The following SETBP1 variants were observed in gnomAD, a reference collection of about 807,000 sequenced individuals.
The protein encoded by SETBP1 is SET-binding protein.
A neutral mutation model predicts 101.0 loss-of-function variants in SETBP1; 9 were observed. The observed-to-expected ratio is 0.09, with a 90% CI of 0.05 to 0.16. SETBP1 has a LOEUF of 0.16. Among genes scored for constraint, SETBP1 ranks in the 10% least tolerant of loss-of-function variants. The probability of loss-of-function intolerance (pLI) is 1.00; values close to 1 mark genes in which losing one functional copy is unlikely to be tolerated. For missense variants in SETBP1, 1,858 were observed against 2,033.8 expected, an observed-to-expected ratio of 0.91 and a Z score of 1.66; for synonymous variants, 818 against 788.5, an observed-to-expected ratio of 1.04 and a Z score of -0.63.
intron 4 of SETBP1, among the ~76,000 whole-genome samples, chr18:45,023,180 A>G (rs1260485581): frequency 6.6e-6 from 1 of 152,244 alleles, no homozygotes; most frequent in African/African-American, 2.4e-5. Context: ...ATTCTTAATC[A>G]ACCAGATCAA....
chr18:44,800,139 C>G (rs2071574424), intron 2 of SETBP1, among the ~76,000 whole-genome samples: 1 of 152,126 alleles, frequency 6.6e-6, no homozygotes, highest in Admixed American at 6.5e-5. Context: ...TGGTGGTTGT[C>G]AGTGGTTTCT....
chr18:44,749,283 C>A (rs368397797), intron 2 of SETBP1, among the ~76,000 whole-genome samples: 2 of 152,128 alleles, frequency 1.3e-5, no homozygotes, highest in African/African-American at 4.8e-5. Flanking sequence ...GAAGGTGAGG[C>A]GCAGAGATGC....
chr18:44,781,989 T>G (rs2071141018), intron 2 of SETBP1, among the ~76,000 whole-genome samples: 1 of 152,242 alleles, frequency 6.6e-6, no homozygotes, highest in South Asian at 2.1e-4. Flanking sequence ...AAAATGTCCT[T>G]TGCTAGAAGG....
chr18:44,894,983 A>C (rs1240953495), intron 3 of SETBP1, among the ~76,000 whole-genome samples: 3 of 148,254 alleles, frequency 2.0e-5, no homozygotes, highest in African/African-American at 5.0e-5. Flanking sequence ...AGCCAGTCAC[A>C]TGTGCCTGTA....
intron 2 of SETBP1, among the ~76,000 whole-genome samples, chr18:44,789,105 C>T (rs2144720585): frequency 6.6e-6 from 1 of 152,216 alleles, no homozygotes; most frequent in East Asian, 1.9e-4. Context: ...ACCCGGCTTC[C>T]TCCTGTTTTA....
At chr18:44,761,307 A>C (rs949684680) in intron 2 of SETBP1, among the ~76,000 whole-genome samples, 14 of 152,186 alleles carry the variant, frequency 9.2e-5, no homozygotes, top group African/African-American at 3.4e-4. Flanking sequence ...ATCTTGAACT[A>C]TACACTTCAT....
chr18:45,041,976 T>A lies in SETBP1; in HGVS notation c.4171+3321T>A, dbSNP rs112907505. Among the ~76,000 whole-genome samples, 351 of 151,496 alleles carry A rather than the reference T, an allele frequency of 2.3e-3. 1 individual carries two copies. Among genetic ancestry groups the A allele is most frequent in the Non-Finnish European group, 4.1e-3 (276 of 67,830 alleles). On this transcript the variant is annotated intron_variant, in intron 5 of 5. Transcript: ENST00000649279. ...TATCTCAAAAAAAAATAAAAAATTT[T>A]AAAAAAAAGAGTGGATGCAAAAATA...
At chr18:44,764,220 C>T (rs2070717715) in intron 2 of SETBP1, among the ~76,000 whole-genome samples, 1 of 152,214 alleles carries the variant, frequency 6.6e-6, no homozygotes, top group Non-Finnish European at 1.5e-5. Context: ...TTACTGAATA[C>T]TCTAAACCAA....
chr18:45,021,194 G>C (rs2073058144), intron 4 of SETBP1, among the ~76,000 whole-genome samples: 1 of 152,136 alleles, frequency 6.6e-6, no homozygotes, highest in Admixed American at 6.5e-5. Flanking sequence ...TAACTTACTG[G>C]ACTGACTTCA....
chr18:44,789,034 C>T (rs557512670), intron 2 of SETBP1, among the ~76,000 whole-genome samples: 7 of 152,068 alleles, frequency 4.6e-5, no homozygotes, highest in South Asian at 4.2e-4. Context: ...AATCCCTGGG[C>T]TCAAGTAATT....
intron 3 of SETBP1, among the ~76,000 whole-genome samples, chr18:44,933,364 TGG>T (rs1172109854): frequency 6.6e-6 from 1 of 152,236 alleles, no homozygotes; most frequent in Admixed American, 6.5e-5. Flanking sequence ...CGGCCCCTAC[TGG>T]GAGGTGTCTC....
chr18:44,925,196 T>C (rs2070678077), intron 3 of SETBP1, among the ~76,000 whole-genome samples: 1 of 151,910 alleles, frequency 6.6e-6, no homozygotes, highest in Admixed American at 6.6e-5. Flanking sequence ...AAATCTTAGT[T>C]CCATCTCCAA....
At chr18:45,055,997 T>C (rs1163859341) in intron 5 of SETBP1, among the ~76,000 whole-genome samples, 1 of 152,246 alleles carries the variant, frequency 6.6e-6, no homozygotes, top group African/African-American at 2.4e-5. Context: ...CCCAGTTTAC[T>C]GTAAAGGGAC....
intron 5 of SETBP1, among the ~76,000 whole-genome samples, chr18:45,051,434 C>T (rs776173284): frequency 1.3e-5 from 2 of 152,064 alleles, no homozygotes; most frequent in African/African-American, 4.8e-5. Flanking sequence ...CGTAATAAAC[C>T]ATTATGATTC....
At chr18:44,726,869 CTCTGTT>C (rs1225898818) in intron 2 of SETBP1, among the ~76,000 whole-genome samples, 1 of 152,168 alleles carries the variant, frequency 6.6e-6, no homozygotes, top group African/African-American at 2.4e-5. Context: ...TGTGCACACA[CTCTGTT>C]TCTGTTTTTC....
intron 2 of SETBP1, among the ~76,000 whole-genome samples, chr18:44,704,499 T>TA (rs578119674): frequency 1.9e-4 from 29 of 152,312 alleles, no homozygotes; most frequent in Middle Eastern, 6.8e-3. Context: ...CCACCCTTCT[T>TA]ACATTTATTT....
chr18:44,733,572 A>G (rs2069887798), intron 2 of SETBP1, among the ~76,000 whole-genome samples: 1 of 152,214 alleles, frequency 6.6e-6, no homozygotes, highest in Non-Finnish European at 1.5e-5. Flanking sequence ...GATGAGTCGC[A>G]GCTCCAGTAT....
chr18:45,059,878 G>C (rs902567242), intron 5 of SETBP1, among the ~76,000 whole-genome samples: 1 of 152,188 alleles, frequency 6.6e-6, no homozygotes, highest in Admixed American at 6.5e-5. Context: ...TAGATGTTGA[G>C]TAGTAGGTGA....
Position 45,063,695 on chromosome 18 carries a change from C to T in SETBP1, c.4788C>T (p.Pro1596=). The part of the protein sequence containing the change: ...KSRGSESEVL[P] ...GAGGGAGTGAGAGCGAGGTCCTTCC[C>T]TAGGGCGGGTCTGGGCGTCTGCACC... is the stretch of plus-strand genomic sequence containing the variant. Residue 1596 remains proline, a synonymous_variant, in exon 6 of 6, where the codon CCC becomes CCT. Coordinates refer to ENST00000649279, the MANE Select transcript of SETBP1 (RefSeq NM_015559.3). 1 of 1,606,434 alleles carries T rather than the reference C, an allele frequency of 6.2e-7. No homozygotes were observed. The highest frequency in any genetic ancestry group is 8.5e-7 in the Non-Finnish European group (1 of 1,176,918).
Sources: allele counts gnomAD v4.1 joint callset (sites outside exome capture counted in the v4.1 genomes callset), GRCh38; gene constraint gnomAD v4.1.1; transcripts MANE v1.5; gene names NCBI Gene and HGNC (gene_info 2026-07-23, HGNC 2026-07-21).